Variants in SCML1 observed in about 807,000 individuals in gnomAD.
SCML1 encodes sex comb on midleg-like protein 1.
For missense variants in SCML1, 137 were observed against 258.1 expected (o/e 0.53, Z 3.22); for synonymous variants, 104 against 103.6 (o/e 1.00, Z -0.02).
chrX:17,750,335 G>T, intron 6 of SCML1, 42 bp downstream of exon 6: 1 of 1,128,777 alleles, frequency 8.9e-7, no homozygotes, highest in Non-Finnish European at 1.2e-6. Flanking sequence ...ACATGCCCCT[G>T]AGATGATGAG....
chrX:17,753,163 C>T (rs1265987538), intron 7 of SCML1, 95 bp from the exon 8 acceptor site: 13 of 665,502 alleles, frequency 2.0e-5, no homozygotes, highest in Non-Finnish European at 2.6e-5. Flanking sequence ...ATGAGCTGCT[C>T]TCTAGTTTGC....
intron 6 of SCML1, 31 bp from the exon 7 acceptor site, chrX:17,751,784 C>CT (rs759935615): frequency 4.2e-6 from 5 of 1,190,837 alleles, no homozygotes; most frequent in African/African-American, 3.5e-5. Context: ...TGTGATTTGT[C>CT]TTTTTTTTCT....
chrX:17,739,473 T>C (rs1304329577), intron 1 of SCML1, among the ~76,000 whole-genome samples: 1 of 111,399 alleles, frequency 9.0e-6, no homozygotes, highest in Admixed American at 9.5e-5. Context: ...TAGAATCTAG[T>C]CATGGTTGGG....
At chrX:17,749,846 T>C (rs1472923886) in intron 5 of SCML1, 48 bp from the exon 6 acceptor site, 1 of 1,097,068 alleles carries the variant, frequency 9.1e-7, no homozygotes, top group Non-Finnish European at 1.2e-6. Flanking sequence ...CTAATTTTAT[T>C]TACTTTTTTA....
At chrX:17,749,075 G>A (rs1243591277) in intron 4 of SCML1, among the ~76,000 whole-genome samples, 1 of 112,141 alleles carries the variant, frequency 8.9e-6, no homozygotes, top group Non-Finnish European at 1.9e-5. Flanking sequence ...TCCTAAAATA[G>A]CACCTTCCTT....
intron 3 of SCML1, chrX:17,745,773 C>G (rs1295485392): frequency 1.2e-5 from 4 of 337,878 alleles, no homozygotes; most frequent in African/African-American, 2.7e-5. Context: ...GTATAAAACT[C>G]TAAACCTGGA....
chrX:17,751,711 C>A, intron 6 of SCML1, 104 bp from the exon 7 acceptor site: 1 of 875,965 alleles, frequency 1.1e-6, no homozygotes, highest in Non-Finnish European at 1.6e-6. Context: ...ACAGAAGGTT[C>A]CAACAAAGAG....
chrX:17,742,802 A>C (rs2066608799), intron 1 of SCML1, among the ~76,000 whole-genome samples: 1 of 112,469 alleles, frequency 8.9e-6, no homozygotes. Context: ...AAGATAGAAC[A>C]CTAAGAAGTC....
intron 6 of SCML1, among the ~76,000 whole-genome samples, chrX:17,750,657 C>CGA (rs2066699752): frequency 8.9e-6 from 1 of 112,372 alleles, no homozygotes; most frequent in South Asian, 3.7e-4. Context: ...GCCATCCCCA[C>CGA]GATCACAGAG....
At chrX:17,750,468 G>T (rs764178028) in intron 6 of SCML1, among the ~76,000 whole-genome samples, 175 bp downstream of exon 6, 1 of 112,512 alleles carries the variant, frequency 8.9e-6, no homozygotes, top group South Asian at 3.7e-4. Context: ...CAACATCCTT[G>T]ATGCAAACTA....
At position 17,746,637 on chromosome X, in the gene SCML1, C is replaced by A. The variant is rs750413666; in HGVS notation, c.198+539C>A. 1.8e-4 allele frequency among the ~76,000 whole-genome samples: 20 copies of A among 112,124 alleles called. 1 individual carries two copies. In the Admixed American group the frequency reaches 1.8e-3, roughly 10 times the overall value. On this transcript the variant is annotated intron_variant, in intron 4 of 7. Transcript: ENST00000380041. ...ATGTTTCTTACCATATATAAGGTTT[C>A]TTGAATGGAATGAGCTAACATACTT...
intron 6 of SCML1, among the ~76,000 whole-genome samples, chrX:17,750,976 A>G (rs757039219): frequency 8.2e-4 from 93 of 112,733 alleles, no homozygotes; most frequent in African/African-American, 2.8e-3. Context: ...AGAAATTTCA[A>G]CACAACTTAG....
At chrX:17,741,436 C>A (rs1009420417) in intron 1 of SCML1, among the ~76,000 whole-genome samples, 1 of 111,456 alleles carries the variant, frequency 9.0e-6, no homozygotes. Flanking sequence ...GTGACCTCTG[C>A]GCAGTGGGCG....
chrX:17,746,104 G>T lies in SCML1; in HGVS notation c.198+6G>T, dbSNP rs1347076773. 9.1e-7 allele frequency: 1 copy of T among 1,097,426 alleles called. No individual in the cohort carries two copies. Among genetic ancestry groups the T allele is most frequent in the Non-Finnish European group, 1.2e-6 (1 of 806,736 alleles). 90.4% of individuals were successfully genotyped at this position (1,097,426 alleles called of 1,213,427 possible). On this transcript the variant is annotated splice_donor_region_variant and intron_variant, in intron 4 of 7. Coordinates refer to ENST00000380041, the MANE Select transcript of SCML1 (RefSeq NM_001037540.3). ...ATGTCCTTATTCATTGCCAGGTATG[G>T]AAGTTCTGTCTCTTCAATGTAGTTT...
Position 17,754,399 on chromosome X carries a change from G to A in SCML1, c.*1007G>A, listed in dbSNP as rs1235663281. ...ATAAATGGATTATTTGCCATCATTAGTACCTCTCAACTTACTTTTTAGAGG... is the reference window on the plus strand; with the variant it reads ...ATAAATGGATTATTTGCCATCATTAATACCTCTCAACTTACTTTTTAGAGG... On this transcript the variant is annotated 3_prime_UTR_variant, in exon 8 of 8. Coordinates refer to ENST00000380041, the MANE Select transcript of SCML1 (RefSeq NM_001037540.3). The A allele has an allele frequency of 9.0e-6, 1 of 110,601 alleles. No homozygotes were observed. The highest frequency in any genetic ancestry group is 1.9e-5 in the Non-Finnish European group (1 of 52,163). The allele number at this position is 110,601 out of a possible 1,213,427, so 9.1% of individuals were successfully genotyped here.
At chrX:17,745,594 G>A (rs1342436180) in intron 3 of SCML1, 55 bp downstream of exon 3, 8 of 707,513 alleles carry the variant, frequency 1.1e-5, no homozygotes, top group Non-Finnish European at 1.7e-5. Context: ...TAAAGGAAAA[G>A]ATGTAAATTC....
chrX:17,742,722 G>A (rs1379411420), intron 1 of SCML1, among the ~76,000 whole-genome samples: 1 of 112,243 alleles, frequency 8.9e-6, no homozygotes, highest in Non-Finnish European at 1.9e-5. Flanking sequence ...CTTTATAAGA[G>A]CAAAACTTTA....
At position 17,744,326 on chromosome X, in the gene SCML1, T is replaced by C. The variant is rs1048418575; in HGVS notation, c.33+107T>C. 2.0e-5 allele frequency: 12 copies of C among 593,492 alleles called. No homozygotes were observed. The African/African-American group carries it at 2.8e-4, about 14-fold the overall frequency. The allele number at this position is 593,492 out of a possible 1,213,427, so 48.9% of individuals were successfully genotyped here. On this transcript the variant is annotated intron_variant, in intron 2 of 7. Transcript: ENST00000380041. ...GTGAAATGCATAGATCATAAGTAAA[T>C]TTTTGTTATATATTTTAACAGTAAT...
In SCML1 at chrX:17,738,214, G is replaced by A. The variant is rs762719241; in HGVS notation, c.-117+534G>A. On this transcript the variant is annotated intron_variant, in intron 1 of 7. Coordinates refer to ENST00000380041, the MANE Select transcript of SCML1 (RefSeq NM_001037540.3). ...TAGGGTGTTGGGAGCAGAGGCGGGA[G>A]GCGGGAGATCCTGCGAAATCGGAGT... Among the ~76,000 whole-genome samples, 9 of 112,261 alleles carry A rather than the reference G, an allele frequency of 8.0e-5. No individual in the cohort carries two copies. In the South Asian group the frequency reaches 3.3e-3, roughly 41 times the overall value.
Sources: gnomAD v4.1 joint callset for allele counts (sites outside exome capture counted in the v4.1 genomes callset) on GRCh38, gnomAD v4.1.1 for gene constraint, MANE v1.5 for transcripts, NCBI Gene and HGNC (gene_info 2026-07-23, HGNC 2026-07-21) for gene names.